The following COL9A3 variants were observed in gnomAD, a reference collection of about 807,000 sequenced individuals.
COL9A3 encodes collagen type IX alpha 3 chain.
In COL9A3, 82 loss-of-function variants were observed where a neutral mutation model predicts 110.2. The observed-to-expected ratio is 0.74, with a 90% CI of 0.62 to 0.89. The LOEUF is 0.89. COL9A3 is among the 40% of genes least tolerant of loss of function. The probability of loss-of-function intolerance (pLI) is 0.00; values close to 1 mark genes in which losing one functional copy is unlikely to be tolerated. For missense variants in COL9A3, 1,066 were observed against 981.3 expected, an observed-to-expected ratio of 1.09 and a Z score of -1.15; for synonymous variants, 494 against 403.8, an observed-to-expected ratio of 1.22 and a Z score of -2.68.
chr20:62,837,105 G>T lies in COL9A3; in HGVS notation c.1626G>T (p.Ala542=). 1 of 1,613,452 alleles carries T rather than the reference G, an allele frequency of 6.2e-7. No homozygotes were observed. Among genetic ancestry groups the T allele is most frequent in the South Asian group, 1.1e-5 (1 of 91,088 alleles). The change falls in exon 30 of 32, where the codon GCG becomes GCT. Residue 542 remains alanine, a synonymous_variant. Transcript: ENST00000649368. Reference sequence around the variant, plus strand: ...AAGAACAAATTGCACAGTTAGCCGCGCACCTAAGGAAGCCTTTGGCACCCG... The same window carrying T: ...AAGAACAAATTGCACAGTTAGCCGCTCACCTAAGGAAGCCTTTGGCACCCG... The part of the protein sequence containing the change: ...MISEQIAQLA[A]HLRKPLAPGS...
At chr20:62,838,517 C>T (rs1393600462) in intron 30 of COL9A3, among the ~76,000 whole-genome samples, 167 bp from the exon 31 acceptor site, 4 of 152,240 alleles carry the variant, frequency 2.6e-5, no homozygotes, top group Admixed American at 2.0e-4. Context: ...GGGTCCCTCT[C>T]GTCGGACCCC....
chr20:62,832,367 C>T (rs2063603527), intron 25 of COL9A3, among the ~76,000 whole-genome samples, 178 bp downstream of exon 25: 2 of 152,264 alleles, frequency 1.3e-5, no homozygotes, highest in South Asian at 2.1e-4. Context: ...CTTAGCACAG[C>T]GAAAGCAGCT....
rs770977229 is a variant in COL9A3 at position 62,837,180 on chromosome 20, C to T, written c.1701C>T (p.Pro567=). The change falls in exon 30 of 32, where the codon CCC becomes CCT. Residue 567 remains proline (P), a synonymous_variant. Coordinates refer to ENST00000649368, the MANE Select transcript of COL9A3 (RefSeq NM_001853.4). The part of the protein sequence containing the change: ...GPAGPPGPPG[P]PGSIGHPGAR... ...CTGGCCCCCCTGGGCCCCCAGGACC[C>T]CCAGGCTCCATTGGTCACCCTGGCG... 6.2e-6 allele frequency: 10 copies of T among 1,612,916 alleles called. No homozygotes were observed. The highest frequency in any genetic ancestry group is 2.2e-5 in the East Asian group (1 of 44,874).
chr20:62,826,902 C>A, intron 15 of COL9A3, 82 bp downstream of exon 15: 1 of 1,478,844 alleles, frequency 6.8e-7, no homozygotes, highest in Non-Finnish European at 9.2e-7. Context: ...CGCCCCCAGC[C>A]CCACTGGGGC....
At chr20:62,818,175 G>A (rs540090199) in intron 2 of COL9A3, among the ~76,000 whole-genome samples, 2 of 152,278 alleles carry the variant, frequency 1.3e-5, no homozygotes, top group African/African-American at 4.8e-5. Context: ...CACCACCAGG[G>A]CAGGAGTCCC....
intron 12 of COL9A3, 189 bp from the exon 13 acceptor site, chr20:62,825,628 G>A (rs572677085): frequency 1.8e-4 from 117 of 656,960 alleles, no homozygotes; most frequent in African/African-American, 1.3e-3. Flanking sequence ...CCGGCAGGGC[G>A]AGGCCACCGA....
intron 16 of COL9A3, 89 bp from the exon 17 acceptor site, chr20:62,827,834 C>T: frequency 1.4e-6 from 2 of 1,410,290 alleles, no homozygotes; most frequent in East Asian, 4.6e-5. Flanking sequence ...CACCATAGCT[C>T]CTTGGTGTCC....
chr20:62,819,115 C>A, intron 3 of COL9A3, 107 bp from the exon 4 acceptor site: 2 of 1,116,914 alleles, frequency 1.8e-6, no homozygotes, highest in Non-Finnish European at 2.7e-6. Flanking sequence ...GGGCCCATCC[C>A]GTATGGTTGG....
intron 25 of COL9A3, 161 bp from the exon 26 acceptor site, chr20:62,832,859 T>C (rs2147221744): frequency 1.5e-6 from 1 of 672,818 alleles, no homozygotes; most frequent in East Asian, 2.7e-5. Flanking sequence ...CCAAGGGCTG[T>C]GTTTGGAGCG....
chr20:62,840,848 C>G lies in COL9A3; in HGVS notation c.*116C>G. The G allele has an allele frequency of 7.9e-7, 1 of 1,266,058 alleles. No homozygotes were observed. Among genetic ancestry groups the G allele is most frequent in the Non-Finnish European group, 1.1e-6 (1 of 893,314 alleles). 78.4% of individuals were successfully genotyped at this position (1,266,058 alleles called of 1,614,324 possible). The stretch of plus-strand genomic sequence containing the variant: ...GGAGAGGGAGCGCCCCTGGCTGCCC[C>G]TCGGCCGCCGACTGGACGCGCGGGC... On this transcript the variant is annotated 3_prime_UTR_variant, in exon 32 of 32. Transcript: ENST00000649368.
intron 30 of COL9A3, among the ~76,000 whole-genome samples, chr20:62,837,834 T>C (rs1236343250): frequency 9.8e-5 from 14 of 142,186 alleles, no homozygotes. Flanking sequence ...ATGTGAGGAA[T>C]GGCCGGGTGC....
chr20:62,816,941 C>T, upstream of COL9A3: 1 of 487,950 alleles, frequency 2.0e-6, no homozygotes, highest in Admixed American at 5.1e-5. Context: ...CCAGGTGGGC[C>T]CGGCTGAATG....
At chr20:62,831,911 A>T in intron 24 of COL9A3, 1 of 585,688 alleles carries the variant, frequency 1.7e-6, no homozygotes, top group Non-Finnish European at 3.1e-6. Flanking sequence ...GGGTGTTACA[A>T]ACAGTGCAAA....
chr20:62,833,198 G>C (rs2063609902), intron 26 of COL9A3, 134 bp downstream of exon 26: 1 of 778,918 alleles, frequency 1.3e-6, no homozygotes, highest in Non-Finnish European at 2.3e-6. Context: ...TGGGCAGCGT[G>C]GGGATGGAGC....
chr20:62,837,053 G>T, intron 29 of COL9A3, 30 bp from the exon 30 acceptor site: 5 of 1,610,586 alleles, frequency 3.1e-6, no homozygotes, highest in Non-Finnish European at 1.7e-6. Context: ...CCTCTCTCGA[G>T]TAAACGCCTG....
At chr20:62,825,411 C>T (rs1245469532) in intron 12 of COL9A3, 4 of 347,156 alleles carry the variant, frequency 1.2e-5, no homozygotes, top group East Asian at 7.7e-5. Flanking sequence ...CTGTAGCCTC[C>T]CCTCACCTGT....
intron 30 of COL9A3, 59 bp from the exon 31 acceptor site, chr20:62,838,625 C>T (rs2063652776): frequency 1.4e-6 from 2 of 1,436,576 alleles, no homozygotes; most frequent in East Asian, 2.5e-5. Flanking sequence ...TCAGACACCG[C>T]TGTGGTGTGG....
chr20:62,822,844 G>T lies in COL9A3; in HGVS notation c.519+212G>T, dbSNP rs138160139. Among the ~76,000 whole-genome samples the T allele has an allele frequency of 6.3e-3, 909 of 145,264 alleles. 12 individuals are homozygous for T. Among genetic ancestry groups the T allele is most frequent in the African/African-American group, 0.021 (861 of 40,498 alleles). On this transcript the variant is annotated intron_variant, in intron 10 of 31. Coordinates refer to ENST00000649368, the MANE Select transcript of COL9A3 (RefSeq NM_001853.4). ...CCCCCTTCCCACCCTCCTCACCACC[G>T]TCTAGACCTGCACTGTCCCTCATGA...
rs2063643408 is a variant in COL9A3 at position 62,837,174 on chromosome 20, A to T, written c.1695A>T (p.Pro565=). Residue 565 remains proline, a synonymous_variant, in exon 30 of 32, where the codon CCA becomes CCT. Transcript: ENST00000649368. ...RPGPAGPPGP[P]GPPGSIGHPG... is the part of the protein sequence containing the mutation. Reference sequence around the variant, plus strand: ...GTCCAGCTGGCCCCCCTGGGCCCCCAGGACCCCCAGGCTCCATTGGTCACC... The same window carrying T: ...GTCCAGCTGGCCCCCCTGGGCCCCCTGGACCCCCAGGCTCCATTGGTCACC... The T allele has an allele frequency of 1.8e-5, 29 of 1,612,248 alleles. No homozygotes were observed. The highest frequency in any genetic ancestry group is 2.5e-5 in the Non-Finnish European group (29 of 1,179,424).
Sources: gnomAD v4.1 joint callset for allele counts (sites outside exome capture counted in the v4.1 genomes callset) on GRCh38, gnomAD v4.1.1 for gene constraint, MANE v1.5 for transcripts, NCBI Gene and HGNC (gene_info 2026-07-23, HGNC 2026-07-21) for gene names.